The following CCDC186 variants were observed in gnomAD, a reference collection of about 807,000 sequenced individuals.
The protein encoded by CCDC186 is coiled-coil domain-containing protein 186.
In CCDC186, 49 loss-of-function variants were observed where a neutral mutation model predicts 113.7. The observed-to-expected ratio is 0.43, with a 90% CI of 0.34 to 0.55. CCDC186 has a LOEUF of 0.55. Ranked by LOEUF, CCDC186 falls within the 20% of genes least tolerant of loss-of-function variation. The pLI is 0.02. For missense variants in CCDC186, 890 were observed against 1,011.1 expected (o/e 0.88, Z 1.62); for synonymous variants, 355 against 345.8 (o/e 1.03, Z -0.30).
At chr10:114,158,620 AG>A (rs1399475502) in intron 2 of CCDC186, among the ~76,000 whole-genome samples, 1 of 152,026 alleles carries the variant, frequency 6.6e-6, no homozygotes, top group African/African-American at 2.4e-5. Context: ...TCCCAGGAAA[AG>A]CACTTGATCC....
chr10:114,135,195 C>T (rs1000971750), intron 9 of CCDC186, 140 bp from the exon 10 acceptor site: 1 of 867,586 alleles, frequency 1.2e-6, no homozygotes, highest in African/African-American at 1.8e-5. Context: ...AGTTTACAAT[C>T]CTAGCTTTTA....
chr10:114,169,711 T>C (rs1196520881), intron 1 of CCDC186, among the ~76,000 whole-genome samples: 1 of 152,192 alleles, frequency 6.6e-6, no homozygotes, highest in Non-Finnish European at 1.5e-5. Context: ...GAAAGCAGCA[T>C]AAACAAAAGA....
chr10:114,136,945 C>A (rs949272942), intron 7 of CCDC186, among the ~76,000 whole-genome samples: 8 of 152,010 alleles, frequency 5.3e-5, no homozygotes, highest in African/African-American at 1.7e-4. Context: ...AGTGAAACCC[C>A]CTCTCTACTA....
intron 1 of CCDC186, chr10:114,173,013 C>T (rs1316241131): frequency 3.5e-6 from 1 of 288,116 alleles, no homozygotes; most frequent in Non-Finnish European, 7.2e-6. Flanking sequence ...GAATGACTAC[C>T]AGCACACCTC....
Position 114,142,537 on chromosome 10 carries a change from T to A in CCDC186, c.1221+1960A>T, listed in dbSNP as rs595816. On this transcript the variant is annotated intron_variant, in intron 6 of 15. Coordinates refer to ENST00000369287, the MANE Select transcript of CCDC186 (RefSeq NM_018017.4). ...GGGGGAAATTCATCTTTATTTACTGTACTCCAAATAAAAGGCTTCTGTTTT... is the reference window on the plus strand; with the variant it reads ...GGGGGAAATTCATCTTTATTTACTGAACTCCAAATAAAAGGCTTCTGTTTT... Among the ~76,000 whole-genome samples the A allele has an allele frequency of 9.7e-3, 1,482 of 152,350 alleles. 28 individuals carry two copies. Among genetic ancestry groups the A allele is most frequent in the African/African-American group, 0.034 (1,394 of 41,568 alleles).
intron 7 of CCDC186, among the ~76,000 whole-genome samples, chr10:114,136,618 T>C (rs1334591251): frequency 6.6e-6 from 1 of 152,240 alleles, no homozygotes; most frequent in Non-Finnish European, 1.5e-5. Context: ...TATTAGGTTA[T>C]TAACCTAAAG....
At chr10:114,133,655 C>G (rs1172269844) in intron 10 of CCDC186, among the ~76,000 whole-genome samples, 3 of 152,126 alleles carry the variant, frequency 2.0e-5, no homozygotes, top group African/African-American at 7.2e-5. Context: ...ACAAGCCTAT[C>G]AAGAAAGACA....
chr10:114,155,392 AAGCT>A (rs1194470255), intron 3 of CCDC186, among the ~76,000 whole-genome samples: 1 of 152,216 alleles, frequency 6.6e-6, no homozygotes, highest in Non-Finnish European at 1.5e-5. Flanking sequence ...AAGTAAAAAG[AAGCT>A]GGGCGCAGTG....
Position 114,125,103 on chromosome 10 carries a change from C to T in CCDC186, c.*40G>A, listed in dbSNP as rs778949676. 6.9e-7 allele frequency: 1 copy of T among 1,458,932 alleles called. No homozygotes were observed. The highest frequency in any genetic ancestry group is 1.4e-5 in the African/African-American group (1 of 69,962). The allele number at this position is 1,458,932 out of a possible 1,614,324, so 90.4% of individuals were successfully genotyped here. The stretch of plus-strand genomic sequence containing the variant: ...CAATAGAGGTCAGTGGCACCTACTC[C>T]TGTGTGGCTTTTGTCTCTTTACTGA... On this transcript the variant is annotated 3_prime_UTR_variant, in exon 16 of 16. Transcript: ENST00000369287.
At chr10:114,173,039 A>G (rs191595144) in intron 1 of CCDC186, 14 of 302,532 alleles carry the variant, frequency 4.6e-5, no homozygotes, top group Admixed American at 3.5e-4. Context: ...ACCCTGATTT[A>G]CTGAACACCT....
In CCDC186 at chr10:114,127,797, C is replaced by G. The variant is rs544987999; in HGVS notation, c.2183-126G>C. Reference sequence around the variant, plus strand: ...ACAGAGTTGGACACAGAAGACAACACAGGTCAACGTGGCTGAGGTTCTGGT... The same window carrying G: ...ACAGAGTTGGACACAGAAGACAACAGAGGTCAACGTGGCTGAGGTTCTGGT... On this transcript the variant is annotated intron_variant, in intron 13 of 15. Transcript: ENST00000369287. 1.3e-4 allele frequency: 112 copies of G among 862,992 alleles called. 2 individuals are homozygous for G. In the African/African-American group the frequency reaches 1.7e-3, roughly 13 times the overall value. 53.5% of individuals were successfully genotyped at this position (862,992 alleles called of 1,614,324 possible). A position where few individuals can be genotyped will look rare whatever the true frequency, so the allele number is the denominator to read the frequency against.
rs1470098130 is a variant in CCDC186, at chr10:114,163,027, G to A, written c.242C>T (p.Ala81Val). 1.2e-6 allele frequency: 2 copies of A among 1,613,976 alleles called. No homozygotes were observed. The highest frequency in any genetic ancestry group is 1.7e-5 in the Admixed American group (1 of 60,012). ...PDHGGGEDSC[A>V]KTDTGSENSE... ...ATTTTCTGAGCCTGTGTCTGTTTTG[G>A]CACAAGAATCCTCACCTCCACCATG... Residue 81 changes from alanine (A) to valine (V), a missense_variant, in exon 2 of 16, where the codon GCC becomes GTC. Physicochemically the swap from Ala to Val is moderately conservative, Grantham distance 64 (BLOSUM62 0). Coordinates refer to ENST00000369287, the MANE Select transcript of CCDC186 (RefSeq NM_018017.4).
Position 114,122,783 on chromosome 10 carries a change from A to G in CCDC186, c.*2360T>C, listed in dbSNP as rs2030769490. On this transcript the variant is annotated 3_prime_UTR_variant, in exon 16 of 16. Coordinates refer to ENST00000369287, the MANE Select transcript of CCDC186 (RefSeq NM_018017.4). ...TGATCCATATACAAAAGCACACTGTAGACAGTGAAGAACAGAAGAAAACTA... is the reference window on the plus strand; with the variant it reads ...TGATCCATATACAAAAGCACACTGTGGACAGTGAAGAACAGAAGAAAACTA... 2 of 152,238 alleles carry G rather than the reference A, an allele frequency of 1.3e-5. No individual in the cohort carries two copies. 9.4% of individuals were successfully genotyped at this position (152,238 alleles called of 1,614,324 possible). A position where few individuals can be genotyped will look rare whatever the true frequency, so the allele number is the denominator to read the frequency against.
chr10:114,164,675 G>A (rs1389412591), intron 1 of CCDC186, among the ~76,000 whole-genome samples: 3 of 152,170 alleles, frequency 2.0e-5, no homozygotes, highest in Non-Finnish European at 4.4e-5. Flanking sequence ...AATAATTCCA[G>A]ATAAGAGATA....
At chr10:114,136,126 T>C (rs1204644329) in intron 8 of CCDC186, 22 bp downstream of exon 8, 6 of 1,586,446 alleles carry the variant, frequency 3.8e-6, no homozygotes, top group East Asian at 4.5e-5. Flanking sequence ...ACTTAGGATA[T>C]ATAAAGAGCA....
At chr10:114,127,700 C>G in intron 13 of CCDC186, 29 bp from the exon 14 acceptor site, 1 of 1,577,922 alleles carries the variant, frequency 6.3e-7, no homozygotes, top group South Asian at 1.1e-5. Context: ...GGTTTAGATA[C>G]TGTGCTTAAT....
rs2030840201 is a variant in CCDC186 at position 114,124,893 on chromosome 10, T to C, written c.*250A>G. 2.8e-6 allele frequency: 1 copy of C among 354,534 alleles called. No homozygotes were observed. Among genetic ancestry groups the C allele is most frequent in the South Asian group, 1.3e-4 (1 of 7,642 alleles). 22.0% of individuals were successfully genotyped at this position (354,534 alleles called of 1,614,324 possible). A position where few individuals can be genotyped will look rare whatever the true frequency, so the allele number is the denominator to read the frequency against. On this transcript the variant is annotated 3_prime_UTR_variant, in exon 16 of 16. Transcript: ENST00000369287. The stretch of plus-strand genomic sequence containing the variant: ...ACACTTCTTATGAATACAAGCAAAT[T>C]AAGTTGTTTAGATTCAATGACAGGC...
At position 114,157,687 on chromosome 10, in the gene CCDC186, A is replaced by G; in HGVS notation, c.633-7T>C. 1 of 1,571,788 alleles carries G rather than the reference A, an allele frequency of 6.4e-7. No homozygotes were observed. The highest frequency in any genetic ancestry group is 1.2e-5 in the South Asian group (1 of 85,436). On this transcript the variant is annotated splice_polypyrimidine_tract_variant and splice_region_variant and intron_variant, in intron 2 of 15. Transcript: ENST00000369287. Reference sequence around the variant, plus strand: ...CTTATTTTCTTTAATTAACCTAAATATAAAAAGGGCAGTGTATGTAAAACA... The same window carrying G: ...CTTATTTTCTTTAATTAACCTAAATGTAAAAAGGGCAGTGTATGTAAAACA...
In CCDC186 at chr10:114,137,078, T is replaced by A. The variant is rs141972858; in HGVS notation, c.1326+108A>T. On this transcript the variant is annotated intron_variant, in intron 7 of 15. Transcript: ENST00000369287. Reference sequence around the variant, plus strand: ...GTTGCAGTGAGCCGAGACTGTGCCATTGAACTCCAGCCCGGGCGACAGAGC... The same window carrying A: ...GTTGCAGTGAGCCGAGACTGTGCCAATGAACTCCAGCCCGGGCGACAGAGC... The A allele has an allele frequency of 3.9e-5, 29 of 751,896 alleles. No homozygotes were observed. In the East Asian group the frequency reaches 8.3e-4, roughly 21 times the overall value. 46.6% of individuals were successfully genotyped at this position (751,896 alleles called of 1,614,324 possible).
Sources: gnomAD v4.1 joint callset for allele counts (sites outside exome capture counted in the v4.1 genomes callset) on GRCh38, gnomAD v4.1.1 for gene constraint, MANE v1.5 for transcripts, NCBI Gene and HGNC (gene_info 2026-07-23, HGNC 2026-07-21) for gene names.